The following NACC1 variants were observed in gnomAD, a reference collection of about 807,000 sequenced individuals.
NACC1 encodes the protein nucleus accumbens associated 1.
A neutral mutation model predicts 41.7 loss-of-function variants in NACC1; 6 were observed. The ratio of observed to expected loss-of-function variants is 0.14; its 90% CI spans 0.08 to 0.28. The LOEUF is 0.28. Ranked by LOEUF, NACC1 falls within the 10% of genes least tolerant of loss-of-function variation. NACC1 has a pLI of 1.00. For synonymous variants in NACC1, 338 were observed against 330.6 expected (o/e 1.02, Z -0.24); for missense variants, 434 against 763.7 (o/e 0.57, Z 5.09).
Position 13,136,814 on chromosome 19 carries a change from G to C in NACC1, c.1120+409G>C, listed in dbSNP as rs1317446479. ...GGTCAAGGCTGCAGTGAGCTGTGGT[G>C]GCCACTGCACTCCAGCCTGGGTGAC... On this transcript the variant is annotated intron_variant, in intron 3 of 5. Coordinates refer to ENST00000292431, the MANE Select transcript of NACC1 (RefSeq NM_052876.4). The surrounding 1 kb of genome is among the most constrained non-coding windows in gnomAD (Gnocchi z 5.5). 6.6e-6 allele frequency among the ~76,000 whole-genome samples: 1 copy of C among 152,070 alleles called. No individual in the cohort carries two copies. Among genetic ancestry groups the C allele is most frequent in the African/African-American group, 2.4e-5 (1 of 41,396 alleles).
At position 13,137,283 on chromosome 19, in the gene NACC1, A is replaced by G; in HGVS notation, c.1133A>G (p.Tyr378Cys). 6.2e-7 allele frequency: 1 copy of G among 1,613,658 alleles called. No homozygotes were observed. Among genetic ancestry groups the G allele is most frequent in the Non-Finnish European group, 8.5e-7 (1 of 1,179,876 alleles). ...KLELVTGTNVYITRAQLMNCH... is the reference protein window; with the variant it reads ...KLELVTGTNVCITRAQLMNCH... The stretch of plus-strand genomic sequence containing the variant: ...TTCCTCTCACCAGGCACCAACGTGT[A>G]CATCACAAGGGCGCAGCTGATGAAC... Residue 378 changes from tyrosine (Y) to cysteine (C), a missense_variant, in exon 4 of 6, where the codon TAC (tyrosine) becomes TGC (cysteine). Around this residue, in one of 4 missense-constraint regions of NACC1, gnomAD observed 70 missense variants for 206.9 expected, o/e 0.34. Coordinates refer to ENST00000292431, the MANE Select transcript of NACC1 (RefSeq NM_052876.4). This position sits in a 1 kb window ranked among gnomAD's most constrained non-coding sequence, Gnocchi z 6.1.
upstream of NACC1, chr19:13,118,058 C>T (rs2019416889): frequency 6.6e-6 from 1 of 152,184 alleles, no homozygotes; most frequent in Admixed American, 6.5e-5. Flanking sequence ...GTGGCGGGGC[C>T]AGGATTCGAA....
At chr19:13,128,793 T>G (rs1275372446) in intron 1 of NACC1, among the ~76,000 whole-genome samples, 1 of 152,178 alleles carries the variant, frequency 6.6e-6, no homozygotes, top group East Asian at 1.9e-4. Flanking sequence ...AAATATTTAT[T>G]GAGTAGTTGT....
chr19:13,139,216 G>A lies in NACC1; in HGVS notation c.*810G>A, dbSNP rs2019751373. The A allele has an allele frequency of 6.6e-6, 1 of 152,124 alleles. No homozygotes were observed. The highest frequency in any genetic ancestry group is 2.1e-4 in the South Asian group (1 of 4,834). 9.4% of individuals were successfully genotyped at this position (152,124 alleles called of 1,614,324 possible). On this transcript the variant is annotated 3_prime_UTR_variant, in exon 6 of 6. Coordinates refer to ENST00000292431, the MANE Select transcript of NACC1 (RefSeq NM_052876.4). ...CTTTCAAACAAATGAAGATACAAGA[G>A]GCAGTAGGACCTGGGTTGGAACCCA...
In NACC1 at chr19:13,141,015, C is replaced by A. The variant is rs1020879853; in HGVS notation, c.*2609C>A. ...ACGCCCTCCCCACCCTGGGCCGAGC[C>A]CCCACCCCTCCCTGGGCCCCCAAGT... On this transcript the variant is annotated 3_prime_UTR_variant, in exon 6 of 6. Transcript: ENST00000292431. The A allele has an allele frequency of 6.6e-6, 1 of 152,524 alleles. No individual in the cohort carries two copies. The highest frequency in any genetic ancestry group is 2.4e-5 in the African/African-American group (1 of 41,418). 9.4% of individuals were successfully genotyped at this position (152,524 alleles called of 1,614,324 possible).
At position 13,138,374 on chromosome 19, in the gene NACC1, G is replaced by A. The variant is rs201660585; in HGVS notation, c.1552G>A (p.Glu518Lys). ...HGFETASHEGEAGPSAEALQ is the reference protein window; with the variant it reads ...HGFETASHEGKAGPSAEALQ ...CTTCGAGACCGCCAGCCACGAGGGC[G>A]AGGCGGGTCCCTCGGCTGAAGCCCT... Residue 518 changes from glutamate (E) to lysine (K), a missense_variant, in exon 6 of 6, where the codon GAG (glutamate) becomes AAG (lysine). Physicochemically the swap from Glu to Lys is moderately conservative, Grantham distance 56. Transcript: ENST00000292431. The surrounding 1 kb of genome is among the most constrained non-coding windows in gnomAD (Gnocchi z 5.7). 1.1e-5 allele frequency: 17 copies of A among 1,612,792 alleles called. No individual in the cohort carries two copies. Among genetic ancestry groups the A allele is most frequent in the Non-Finnish European group, 1.4e-5 (17 of 1,179,984 alleles).
intron 1 of NACC1, among the ~76,000 whole-genome samples, chr19:13,119,312 C>T (rs1204808146): frequency 6.6e-6 from 1 of 152,082 alleles, no homozygotes; most frequent in Non-Finnish European, 1.5e-5. Context: ...GAGTCCTGAC[C>T]CTACCCCTTG....
chr19:13,135,866 C>T lies in NACC1; in HGVS notation c.659C>T (p.Pro220Leu), dbSNP rs780041207. Residue 220 changes from proline (P) to leucine (L), a missense_variant, in exon 2 of 6, where the codon CCG (proline) becomes CTG (leucine). This residue lies in a region of NACC1 where 234 missense variants were observed against 308.3 expected (regional missense o/e 0.76). Transcript: ENST00000292431. ...GCTGCCAACCGGCCTCACCAGCCCC[C>T]GCCACCCCAACAGGCTCCGGTGGTG... ...DLAANRPHQP[P>L]PPQQAPVVAA... is the part of the protein sequence containing the mutation. The T allele has an allele frequency of 5.2e-5, 81 of 1,555,524 alleles. 1 individual carries two copies. In the East Asian group the frequency reaches 5.8e-4, roughly 11 times the overall value.
In NACC1 at chr19:13,139,226, C is replaced by G; in HGVS notation, c.*820C>G. On this transcript the variant is annotated 3_prime_UTR_variant, in exon 6 of 6. Transcript: ENST00000292431. ...AATGAAGATACAAGAGGCAGTAGGA[C>G]CTGGGTTGGAACCCAGGGGAGCAGA... The G allele has an allele frequency of 6.6e-6, 1 of 152,070 alleles. No homozygotes were observed. Among genetic ancestry groups the G allele is most frequent in the East Asian group, 1.9e-4 (1 of 5,166 alleles). The allele number at this position is 152,070 out of a possible 1,614,324, so 9.4% of individuals were successfully genotyped here.
Position 13,133,677 on chromosome 19 carries a change from A to G in NACC1, c.-8-1523A>G, listed in dbSNP as rs147605945. ...GTTTAGTTGGCCCATCCATCCGCAG[A>G]TGGACGTTTGGATTGTTTCCACCTT... On this transcript the variant is annotated intron_variant, in intron 1 of 5. Transcript: ENST00000292431. Among the ~76,000 whole-genome samples, 3 of 152,322 alleles carry G rather than the reference A, an allele frequency of 2.0e-5. No homozygotes were observed. In the East Asian group the frequency reaches 5.8e-4, roughly 29 times the overall value.
Position 13,137,474 on chromosome 19 carries a change from C to G in NACC1, c.1227-4C>G, listed in dbSNP as rs189998121. 1.2e-6 allele frequency: 2 copies of G among 1,607,024 alleles called. No homozygotes were observed. The highest frequency in any genetic ancestry group is 4.5e-5 in the East Asian group (2 of 44,154). ...CTGACTCCCTCCATGTCCCCTGCCC[C>G]CAGGAACACGCTGGCCAACAGCTGC... is the stretch of plus-strand genomic sequence containing the variant. On this transcript the variant is annotated splice_region_variant and splice_polypyrimidine_tract_variant and intron_variant, in intron 4 of 5. Coordinates refer to ENST00000292431, the MANE Select transcript of NACC1 (RefSeq NM_052876.4). This position sits in a 1 kb window ranked among gnomAD's most constrained non-coding sequence, Gnocchi z 6.1.
intron 1 of NACC1, among the ~76,000 whole-genome samples, chr19:13,120,819 G>A (rs1014689953): frequency 2.6e-5 from 4 of 152,218 alleles, no homozygotes; most frequent in Admixed American, 6.5e-5. Flanking sequence ...AGGCAGCTCC[G>A]GTTTGTGCCT....
Position 13,137,411 on chromosome 19 carries a change from G to A in NACC1, c.1226+35G>A, listed in dbSNP as rs2019722042. 1.9e-6 allele frequency: 3 copies of A among 1,552,986 alleles called. No homozygotes were observed. The highest frequency in any genetic ancestry group is 1.8e-6 in the Non-Finnish European group (2 of 1,125,182). On this transcript the variant is annotated intron_variant, in intron 4 of 5. Coordinates refer to ENST00000292431, the MANE Select transcript of NACC1 (RefSeq NM_052876.4). This position sits in a 1 kb window ranked among gnomAD's most constrained non-coding sequence, Gnocchi z 6.1. ...TTGCCAGAGCCCCAGGGAGGGGGGT[G>A]GGGTTTCCCCATGTCCCCCCCACCA...
intron 1 of NACC1, among the ~76,000 whole-genome samples, chr19:13,127,370 A>AATTT: frequency 2.2e-5 from 1 of 44,806 alleles, no homozygotes; most frequent in African/African-American, 1.1e-4. Context: ...ATATACATAT[A>AATTT]CTTTTTTTTT....
chr19:13,124,153 CTT>C (rs1257056640), intron 1 of NACC1, among the ~76,000 whole-genome samples: 2 of 152,134 alleles, frequency 1.3e-5, no homozygotes, highest in African/African-American at 4.8e-5. Flanking sequence ...AATCCCAGCT[CTT>C]TGGGAGGCTG....
chr19:13,130,535 C>CTTTTTTTTTTTTTTT (rs34032574), intron 1 of NACC1, among the ~76,000 whole-genome samples: 2 of 128,602 alleles, frequency 1.6e-5, no homozygotes, highest in East Asian at 2.1e-4. Flanking sequence ...TTTTTCTTTT[C>CTTTTTTTTTTTTTTT]TTTTTTTTTT....
chr19:13,121,584 C>T (rs1006397), intron 1 of NACC1, among the ~76,000 whole-genome samples: 27,043 of 152,018 alleles, frequency 0.18, 2,663 homozygotes, highest in Non-Finnish European at 0.19. Context: ...CCTGGAGGCC[C>T]GGGGGTTTGG....
At position 13,135,972 on chromosome 19, in the gene NACC1, G is replaced by A. The variant is rs1449970594; in HGVS notation, c.765G>A (p.Gly255=). 4.4e-6 allele frequency: 7 copies of A among 1,607,568 alleles called. No individual in the cohort carries two copies. The highest frequency in any genetic ancestry group is 5.9e-6 in the Non-Finnish European group (7 of 1,177,786). The part of the protein sequence containing the change: ...GVAAAGGVVS[G]PSTSERTSPG... ...CAGCAGCAGGGGGTGTGGTGAGTGGGCCCAGCACGTCGGAGCGGACCAGCC... is the reference window on the plus strand; with the variant it reads ...CAGCAGCAGGGGGTGTGGTGAGTGGACCCAGCACGTCGGAGCGGACCAGCC... The change falls in exon 2 of 6, where the codon GGG becomes GGA. Residue 255 remains glycine, a synonymous_variant. Coordinates refer to ENST00000292431, the MANE Select transcript of NACC1 (RefSeq NM_052876.4).
At chr19:13,117,088 A>C (rs910548163), upstream of NACC1, 1 of 152,222 alleles carries the variant, frequency 6.6e-6, no homozygotes, top group Non-Finnish European at 1.5e-5. Flanking sequence ...TGGGCAGGTT[A>C]CTCCCGCGGC....
Sources: allele counts gnomAD v4.1 joint callset (sites outside exome capture counted in the v4.1 genomes callset), GRCh38; gene constraint gnomAD v4.1.1; regional missense constraint gnomAD v4.1.1; non-coding constraint Gnocchi (gnomAD v3.1); transcripts MANE v1.5; gene names NCBI Gene and HGNC (gene_info 2026-07-23, HGNC 2026-07-21).